The following CACNA2D4 variants were observed in gnomAD, a reference collection of about 807,000 sequenced individuals.
CACNA2D4 encodes the protein voltage-dependent calcium channel subunit alpha-2/delta-4.
CACNA2D4 carries 157 observed loss-of-function variants against 163.8 expected under a neutral mutation model. The ratio of observed to expected loss-of-function variants is 0.96; its 90% CI spans 0.84 to 1.09. The LOEUF (loss-of-function observed/expected upper bound fraction) is 1.09. Among genes scored for constraint, CACNA2D4 ranks in the 50% least tolerant of loss-of-function variants. The pLI is 0.00. For missense variants in CACNA2D4, 1,410 were observed against 1,479.9 expected (o/e 0.95, Z 0.78); for synonymous variants, 598 against 586.9 (o/e 1.02, Z -0.27).
intron 30 of CACNA2D4, 62 bp from the exon 31 acceptor site, chr12:1,801,180 A>G: frequency 7.1e-7 from 1 of 1,414,724 alleles, no homozygotes; most frequent in Admixed American, 1.7e-5. Context: ...CCCCTGCCTC[A>G]GGAGGCTTTA....
intron 6 of CACNA2D4, among the ~76,000 whole-genome samples, chr12:1,897,402 A>G (rs12302138): frequency 0.066 from 10,091 of 152,274 alleles, 815 homozygotes; most frequent in East Asian, 0.42. Context: ...AACACATAGA[A>G]ATGATAAATA....
chr12:1,886,268 G>A lies in CACNA2D4; in HGVS notation c.948C>T (p.Thr316=), dbSNP rs1306882503. ...CATTCTCCCCCAGGGTGTCCAAGAT[G>A]GTGGTGATGGTGTGCTTGGCAATAG... ...RMTIAKHTIT[T]ILDTLGENDF... is the part of the protein sequence containing the mutation. Residue 316 remains threonine, a synonymous_variant, in exon 8 of 38, where the codon ACC becomes ACT. Coordinates refer to ENST00000382722, the MANE Select transcript of CACNA2D4 (RefSeq NM_172364.5). 2 of 1,613,570 alleles carry A rather than the reference G, an allele frequency of 1.2e-6. No individual in the cohort carries two copies. Among genetic ancestry groups the A allele is most frequent in the East Asian group, 4.5e-5 (2 of 44,884 alleles).
At chr12:1,855,886 C>T in intron 22 of CACNA2D4, 126 bp downstream of exon 22, 1 of 686,350 alleles carries the variant, frequency 1.5e-6, no homozygotes, top group Non-Finnish European at 2.6e-6. Flanking sequence ...TTGATCTAAG[C>T]CATCCATGTG....
At chr12:1,895,072 T>C (rs1306845548) in intron 6 of CACNA2D4, among the ~76,000 whole-genome samples, 1 of 152,090 alleles carries the variant, frequency 6.6e-6, no homozygotes, top group Non-Finnish European at 1.5e-5. Context: ...CAAAAATCAG[T>C]AGTGTTTCTA....
intron 4 of CACNA2D4, among the ~76,000 whole-genome samples, chr12:1,908,385 C>T (rs1030656754): frequency 6.6e-6 from 1 of 152,196 alleles, no homozygotes; most frequent in East Asian, 1.9e-4. Flanking sequence ...CCATCAGCCC[C>T]CTCCACTTCT....
intron 26 of CACNA2D4, chr12:1,827,621 C>T (rs534929365): frequency 4.0e-4 from 62 of 153,332 alleles, no homozygotes; most frequent in South Asian, 8.3e-4. Flanking sequence ...CTAGAGGAAC[C>T]GGGACCCAGG....
rs1205630569 is a variant in CACNA2D4 at position 1,843,254 on chromosome 12, C to A, written c.2470+1148G>T. On this transcript the variant is annotated intron_variant, in intron 25 of 37. Transcript: ENST00000382722. The surrounding 1 kb of genome is among the most constrained non-coding windows in gnomAD (Gnocchi z 4.6). ...GGAGCTCCTCCCTGCTGTTTGCCTT[C>A]CCTGTCCTGGTCCCAGGAGGATCCC... Among the ~76,000 whole-genome samples, 1 of 152,184 alleles carries A rather than the reference C, an allele frequency of 6.6e-6. No individual in the cohort carries two copies. Among genetic ancestry groups the A allele is most frequent in the Non-Finnish European group, 1.5e-5 (1 of 68,030 alleles).
intron 26 of CACNA2D4, among the ~76,000 whole-genome samples, chr12:1,818,321 A>G (rs910431293): frequency 1.3e-5 from 2 of 151,930 alleles, no homozygotes; most frequent in African/African-American, 4.9e-5. Flanking sequence ...GGCTTTGTGG[A>G]ATAGAAAGGC....
rs993265546 is a variant in CACNA2D4, at chr12:1,834,103, T to C, written c.2551+6636A>G. ...GTGGACTTGGCTCAATCAATGCTGTTTTCCCTCCTCCGCTTCCTCTTCTAT... is the reference window on the plus strand; with the variant it reads ...GTGGACTTGGCTCAATCAATGCTGTCTTCCCTCCTCCGCTTCCTCTTCTAT... On this transcript the variant is annotated intron_variant, in intron 26 of 37. Coordinates refer to ENST00000382722, the MANE Select transcript of CACNA2D4 (RefSeq NM_172364.5). This position sits in a 1 kb window ranked among gnomAD's most constrained non-coding sequence, Gnocchi z 7.6. Among the ~76,000 whole-genome samples, 5 of 152,212 alleles carry C rather than the reference T, an allele frequency of 3.3e-5. No homozygotes were observed. Among genetic ancestry groups the C allele is most frequent in the African/African-American group, 1.2e-4 (5 of 41,446 alleles).
intron 6 of CACNA2D4, among the ~76,000 whole-genome samples, chr12:1,904,869 T>C (rs1423323958): frequency 1.3e-5 from 2 of 151,972 alleles, no homozygotes; most frequent in African/African-American, 4.8e-5. Context: ...AGAAAACAAA[T>C]AGCAAAATGA....
intron 13 of CACNA2D4, among the ~76,000 whole-genome samples, chr12:1,882,148 T>A (rs1866018506): frequency 6.6e-6 from 1 of 152,238 alleles, no homozygotes; most frequent in Admixed American, 6.5e-5. Context: ...GAGGGCCACA[T>A]GGCTGGGACA....
chr12:1,844,499 G>C lies in CACNA2D4; in HGVS notation c.2373C>G (p.Ser791Arg). ...RKFLTPEDEA[S>R]VFTLDRFPLW... ...GCGGGAAGCGGTCCAGGGTGAACAC[G>C]CTGGCCTCGTCCTCAGGTGTCAGGA... is the stretch of plus-strand genomic sequence containing the variant. The change falls in exon 25 of 38, where the codon AGC (serine) becomes AGG (arginine). Residue 791 changes from serine (S) to arginine (R), a missense_variant. Transcript: ENST00000382722. This position sits in a 1 kb window ranked among gnomAD's most constrained non-coding sequence, Gnocchi z 4.2. The C allele has an allele frequency of 6.2e-7, 1 of 1,613,252 alleles. No homozygotes were observed. Among genetic ancestry groups the C allele is most frequent in the Non-Finnish European group, 8.5e-7 (1 of 1,179,628 alleles).
At chr12:1,826,411 C>G (rs4564390) in intron 26 of CACNA2D4, among the ~76,000 whole-genome samples, 7,086 of 102,702 alleles carry the variant, frequency 0.069, 866 homozygotes, top group African/African-American at 0.29. Context: ...CCCCCCCCCC[C>G]CCCCCGCCAA....
chr12:1,817,243 C>T (rs144508950), intron 26 of CACNA2D4, among the ~76,000 whole-genome samples: 6 of 152,334 alleles, frequency 3.9e-5, no homozygotes, highest in African/African-American at 7.2e-5. Flanking sequence ...GGGCAGGAAT[C>T]CCAGCCAGCA....
chr12:1,871,318 G>A (rs2154449105), intron 18 of CACNA2D4, among the ~76,000 whole-genome samples: 2 of 151,010 alleles, frequency 1.3e-5, no homozygotes, highest in Admixed American at 1.3e-4. Flanking sequence ...ATACGTGTGT[G>A]CTGCTAGTGT....
At chr12:1,826,707 G>A (rs559755497) in intron 26 of CACNA2D4, among the ~76,000 whole-genome samples, 221 of 58,766 alleles carry the variant, frequency 3.8e-3, no homozygotes, top group African/African-American at 6.9e-3. Flanking sequence ...TGCCCTTGCC[G>A]GGGGCAGAGC....
chr12:1,866,055 T>G (rs189670252), intron 18 of CACNA2D4, among the ~76,000 whole-genome samples: 1 of 152,232 alleles, frequency 6.6e-6, no homozygotes. Flanking sequence ...CAAGGCTGAA[T>G]AGAAGTGGTG....
Position 1,799,355 on chromosome 12 carries a change from G to C in CACNA2D4, c.2995+320C>G, listed in dbSNP as rs1863233414. Among the ~76,000 whole-genome samples the C allele has an allele frequency of 6.6e-6, 1 of 152,200 alleles. No individual in the cohort carries two copies. Among genetic ancestry groups the C allele is most frequent in the Non-Finnish European group, 1.5e-5 (1 of 68,024 alleles). On this transcript the variant is annotated intron_variant, in intron 34 of 37. Coordinates refer to ENST00000382722, the MANE Select transcript of CACNA2D4 (RefSeq NM_172364.5). The surrounding 1 kb of genome is among the most constrained non-coding windows in gnomAD (Gnocchi z 4.7). ...GGTGCCGCTGTTTGCTTCTCCAAGG[G>C]GTGGGCTGGAGGTTGCTCACTCATA...
chr12:1,795,118 ATC>A (rs1863073591), intron 37 of CACNA2D4, 179 bp downstream of exon 37: 2 of 605,600 alleles, frequency 3.3e-6, no homozygotes, highest in Middle Eastern at 4.4e-4. Flanking sequence ...CTAAATAAAG[ATC>A]TGTTTCTTAT....
Sources: gnomAD v4.1 joint callset for allele counts (sites outside exome capture counted in the v4.1 genomes callset) on GRCh38, gnomAD v4.1.1 for gene constraint, Gnocchi (gnomAD v3.1) non-coding constraint, MANE v1.5 for transcripts, NCBI Gene and HGNC (gene_info 2026-07-23, HGNC 2026-07-21) for gene names.